Variants in GDPD1 observed in about 807,000 individuals in gnomAD.
GDPD1 encodes the protein glycerophosphodiester phosphodiesterase domain containing 1, also known as lysophospholipase D GDPD1.
In GDPD1, 28 loss-of-function variants were observed where a neutral mutation model predicts 45.1. That is an observed-to-expected ratio of 0.62 (90% confidence interval 0.46 to 0.85). The LOEUF (loss-of-function observed/expected upper bound fraction) is 0.85. Ranked by LOEUF, GDPD1 falls within the 40% of genes least tolerant of loss-of-function variation. The probability of loss-of-function intolerance (pLI) is 0.00; values close to 1 mark genes in which losing one functional copy is unlikely to be tolerated. For synonymous variants in GDPD1, 139 were observed against 131.4 expected (o/e 1.06, Z -0.40); for missense variants, 256 against 364.8 (o/e 0.70, Z 2.43).
intron 1 of GDPD1, among the ~76,000 whole-genome samples, chr17:59,233,106 C>G (rs1436646245): frequency 6.6e-6 from 1 of 152,146 alleles, no homozygotes; most frequent in Non-Finnish European, 1.5e-5. Flanking sequence ...ATCCCAGCTA[C>G]TTAGGAGGCT....
chr17:59,243,334 T>C (rs1174995168), intron 2 of GDPD1, among the ~76,000 whole-genome samples: 1 of 152,144 alleles, frequency 6.6e-6, no homozygotes, highest in Non-Finnish European at 1.5e-5. Flanking sequence ...GGTAAAACTC[T>C]GTCTTTACCA....
chr17:59,232,294 T>G (rs2047097029), intron 1 of GDPD1, among the ~76,000 whole-genome samples: 1 of 151,676 alleles, frequency 6.6e-6, no homozygotes, highest in Non-Finnish European at 1.5e-5. Context: ...CTACTAAAAA[T>G]AAAAAATTAG....
chr17:59,227,837 C>A (rs2047059252), intron 1 of GDPD1, among the ~76,000 whole-genome samples: 1 of 152,148 alleles, frequency 6.6e-6, no homozygotes, highest in South Asian at 2.1e-4. Context: ...TAAAATACAT[C>A]TTAACTTCAG....
At chr17:59,242,121 G>A (rs1004017549) in intron 2 of GDPD1, among the ~76,000 whole-genome samples, 2 of 152,084 alleles carry the variant, frequency 1.3e-5, no homozygotes, top group Non-Finnish European at 2.9e-5. Context: ...GGAGTGCAGT[G>A]GCATAATCTT....
At chr17:59,257,883 G>T in intron 6 of GDPD1, 43 bp downstream of exon 6, 1 of 1,253,248 alleles carries the variant, frequency 8.0e-7, no homozygotes, top group Admixed American at 2.1e-5. Flanking sequence ...CTTTGTTGTT[G>T]TTTTGTATCT....
chr17:59,269,481 C>G (rs9900921), intron 7 of GDPD1, among the ~76,000 whole-genome samples: 2,837 of 146,482 alleles, frequency 0.019, 98 homozygotes, highest in African/African-American at 0.067. Context: ...GTCTACCCCC[C>G]CCCCCAAAAA....
intron 2 of GDPD1, among the ~76,000 whole-genome samples, chr17:59,241,772 G>A (rs1322469742): frequency 6.6e-6 from 1 of 151,816 alleles, no homozygotes; most frequent in African/African-American, 2.4e-5. Flanking sequence ...TACTAAAAAT[G>A]CAAAAATTAG....
At chr17:59,224,483 A>G (rs8072410) in intron 1 of GDPD1, among the ~76,000 whole-genome samples, 68,017 of 151,636 alleles carry the variant, frequency 0.45, 17,239 homozygotes, top group African/African-American at 0.7. Context: ...AAGTTAGCTG[A>G]GCGTGGTGGC....
intron 6 of GDPD1, among the ~76,000 whole-genome samples, chr17:59,261,808 A>AT (rs1341047305): frequency 6.7e-6 from 1 of 148,920 alleles, no homozygotes; most frequent in Non-Finnish European, 1.5e-5. Flanking sequence ...TAATTTTTAA[A>AT]TTTTTTGTAG....
At chr17:59,249,733 C>T (rs1407198922) in intron 4 of GDPD1, among the ~76,000 whole-genome samples, 7 of 152,174 alleles carry the variant, frequency 4.6e-5, no homozygotes, top group Non-Finnish European at 1.0e-4. Context: ...GTCAGCCTCA[C>T]ATTTTTGAAT....
At chr17:59,232,391 G>A (rs2047098003) in intron 1 of GDPD1, among the ~76,000 whole-genome samples, 2 of 151,120 alleles carry the variant, frequency 1.3e-5, no homozygotes. Flanking sequence ...CGGAGGTTAC[G>A]TTGAGCCGAG....
At chr17:59,241,511 G>A (rs2047175378) in intron 2 of GDPD1, among the ~76,000 whole-genome samples, 1 of 152,038 alleles carries the variant, frequency 6.6e-6, no homozygotes, top group African/African-American at 2.4e-5. Context: ...TAGAAACGGG[G>A]TTTCATCATG....
At chr17:59,253,170 G>A (rs191454141) in intron 4 of GDPD1, among the ~76,000 whole-genome samples, 95 of 151,996 alleles carry the variant, frequency 6.3e-4, no homozygotes, top group African/African-American at 1.8e-3. Context: ...AACTTGCATA[G>A]GGGCCACTAT....
At chr17:59,258,876 C>T (rs1334861356) in intron 6 of GDPD1, among the ~76,000 whole-genome samples, 2 of 152,042 alleles carry the variant, frequency 1.3e-5, no homozygotes, top group African/African-American at 4.8e-5. Flanking sequence ...AATCCTAGCA[C>T]TTTGGGAGGC....
At chr17:59,264,965 C>T (rs989040248) in intron 6 of GDPD1, among the ~76,000 whole-genome samples, 4 of 151,736 alleles carry the variant, frequency 2.6e-5, no homozygotes, top group Admixed American at 6.6e-5. Context: ...CTCAGCCTCC[C>T]GAGTAGCTGG....
At chr17:59,237,845 G>A (rs760115760) in intron 2 of GDPD1, among the ~76,000 whole-genome samples, 10 of 151,850 alleles carry the variant, frequency 6.6e-5, no homozygotes, top group African/African-American at 2.2e-4. Flanking sequence ...CAAGGCAGGC[G>A]GATCACTTGA....
At chr17:59,240,290 C>CAA (rs1397648202) in intron 2 of GDPD1, among the ~76,000 whole-genome samples, 5 of 114,348 alleles carry the variant, frequency 4.4e-5, no homozygotes, top group Admixed American at 9.2e-5. Context: ...GACTCTGTCT[C>CAA]AAAAAAAAAA....
intron 2 of GDPD1, among the ~76,000 whole-genome samples, chr17:59,244,745 T>C (rs1449639673): frequency 6.6e-6 from 1 of 152,132 alleles, no homozygotes; most frequent in African/African-American, 2.4e-5. Flanking sequence ...TTTTAAAACC[T>C]TGCACTTTGG....
In GDPD1 at chr17:59,234,180, T is replaced by C. The variant is rs535556958; in HGVS notation, c.143-312T>C. On this transcript the variant is annotated intron_variant, in intron 1 of 9. Coordinates refer to ENST00000284116, the MANE Select transcript of GDPD1 (RefSeq NM_182569.4). ...GGCTAACACGGTGAAACCCCGTCTC[T>C]ACTAAAAATACAAAAAAAAAATTAG... is the stretch of plus-strand genomic sequence containing the variant. 2.0e-5 allele frequency among the ~76,000 whole-genome samples: 3 copies of C among 151,822 alleles called. No homozygotes were observed. In the South Asian group the frequency reaches 6.2e-4, roughly 32 times the overall value.
Sources: gnomAD v4.1 joint callset for allele counts (sites outside exome capture counted in the v4.1 genomes callset) on GRCh38, gnomAD v4.1.1 for gene constraint, MANE v1.5 for transcripts, NCBI Gene and HGNC (gene_info 2026-07-23, HGNC 2026-07-21) for gene names.